SUPT3H: variants seen among roughly 807,000 people sequenced by gnomAD.
SUPT3H encodes the protein transcription initiation protein SPT3 homolog.
A neutral mutation model predicts 44.3 loss-of-function variants in SUPT3H; 44 were observed. The observed-to-expected ratio is 0.99, with a 90% confidence interval of 0.78 to 1.28. The LOEUF is 1.28. Among genes scored for constraint, SUPT3H ranks in the 50% most tolerant of loss-of-function variants. The probability of loss-of-function intolerance (pLI) is 0.00; values close to 1 mark genes in which losing one functional copy is unlikely to be tolerated. For synonymous variants in SUPT3H, 124 were observed against 125.6 expected, an observed-to-expected ratio of 0.99 and a Z score of 0.09; for missense variants, 380 against 387.1, an observed-to-expected ratio of 0.98 and a Z score of 0.15.
chr6:45,289,838 T>C (rs1262609237), intron 2 of SUPT3H, among the ~76,000 whole-genome samples: 1 of 152,174 alleles, frequency 6.6e-6, no homozygotes, highest in Non-Finnish European at 1.5e-5. Flanking sequence ...GTAACACTAG[T>C]ACAGAGGAGA....
intron 2 of SUPT3H, among the ~76,000 whole-genome samples, chr6:45,306,363 A>T (rs1311441035): frequency 6.6e-6 from 1 of 152,170 alleles, no homozygotes; most frequent in Non-Finnish European, 1.5e-5. Flanking sequence ...CATCAGTATT[A>T]GCCACTGAGG....
At chr6:45,303,949 C>T (rs1446342818) in intron 2 of SUPT3H, among the ~76,000 whole-genome samples, 3 of 151,542 alleles carry the variant, frequency 2.0e-5, no homozygotes, top group South Asian at 2.1e-4. Context: ...TGCACTCCAG[C>T]CTGGGCGACA....
chr6:45,189,588 A>G (rs914164440), intron 2 of SUPT3H, among the ~76,000 whole-genome samples: 2 of 152,174 alleles, frequency 1.3e-5, no homozygotes, highest in Admixed American at 1.3e-4. Flanking sequence ...TTGAAAAGGT[A>G]AAGTAGGATT....
intron 10 of SUPT3H, among the ~76,000 whole-genome samples, chr6:44,930,074 TCTA>T (rs1280056719): frequency 1.3e-5 from 2 of 151,722 alleles, no homozygotes; most frequent in Non-Finnish European, 2.9e-5. Flanking sequence ...ATGGCGAAGT[TCTA>T]CTAAAAATTA....
chr6:45,226,766 T>C (rs752408493), intron 2 of SUPT3H, among the ~76,000 whole-genome samples: 7 of 152,062 alleles, frequency 4.6e-5, no homozygotes, highest in African/African-American at 7.2e-5. Context: ...CCTGACCTCA[T>C]GATCCGCCCG....
rs1772676956 is a variant in SUPT3H, at chr6:45,253,133, T to C, written c.101+112068A>G. On this transcript the variant is annotated intron_variant, in intron 2 of 10. Coordinates refer to ENST00000371459, the MANE Select transcript of SUPT3H (RefSeq NM_003599.4). The stretch of plus-strand genomic sequence containing the variant: ...AATAAAAATAAGTACTATAAACATA[T>C]AAGTTTATTATTTCAAATAATAAAC... Among the ~76,000 whole-genome samples, 6 of 152,236 alleles carry C rather than the reference T, an allele frequency of 3.9e-5. No individual in the cohort carries two copies. In the South Asian group the frequency reaches 1.2e-3, roughly 32 times the overall value.
intron 10 of SUPT3H, among the ~76,000 whole-genome samples, chr6:44,892,514 A>AT (rs1763462935): frequency 6.6e-6 from 1 of 152,188 alleles, no homozygotes; most frequent in Admixed American, 6.5e-5. Flanking sequence ...GTATTTTGTT[A>AT]TGGCAGCCCT....
At chr6:44,898,233 G>A (rs943083571) in intron 10 of SUPT3H, among the ~76,000 whole-genome samples, 3 of 152,140 alleles carry the variant, frequency 2.0e-5, no homozygotes, top group African/African-American at 7.2e-5. Flanking sequence ...TTGCCTCCGG[G>A]TATTCATGCC....
At position 45,222,658 on chromosome 6, in the gene SUPT3H, C is replaced by T. The variant is rs141449570; in HGVS notation, c.102-116652G>A. Among the ~76,000 whole-genome samples, 354 of 152,212 alleles carry T rather than the reference C, an allele frequency of 2.3e-3. 1 individual carries two copies. The highest frequency in any genetic ancestry group is 0.011 in the South Asian group (53 of 4,826). ...CAGTTTCTTTAAAAAATTAAACACA[C>T]AATTACCATAATGACACAGCAATTA... On this transcript the variant is annotated intron_variant, in intron 2 of 10. Transcript: ENST00000371459.
rs547847890 is a variant in SUPT3H at position 45,002,771 on chromosome 6, T to A, written c.504+882A>T. On this transcript the variant is annotated intron_variant, in intron 6 of 10. Coordinates refer to ENST00000371459, the MANE Select transcript of SUPT3H (RefSeq NM_003599.4). ...AAGCCTGCTAATTCTTTAAAGGTTG[T>A]TGAAGTTTATAAAGCATGTATGTCT... is the stretch of plus-strand genomic sequence containing the variant. 3.3e-5 allele frequency among the ~76,000 whole-genome samples: 5 copies of A among 152,240 alleles called. No individual in the cohort carries two copies. In the South Asian group the frequency reaches 8.3e-4, roughly 25 times the overall value.
intron 9 of SUPT3H, 43 bp downstream of exon 9, chr6:44,953,267 C>A: frequency 1.3e-6 from 2 of 1,498,656 alleles, no homozygotes; most frequent in South Asian, 1.1e-5. Flanking sequence ...AGATATGTGT[C>A]AAAATTCACA....
intron 9 of SUPT3H, among the ~76,000 whole-genome samples, chr6:44,949,666 C>G (rs2153472208): frequency 6.7e-6 from 1 of 148,660 alleles, no homozygotes; most frequent in East Asian, 2.0e-4. Flanking sequence ...GAGTAAGATA[C>G]ATAAATGGCC....
At chr6:44,918,265 T>C (rs1768122474) in intron 10 of SUPT3H, among the ~76,000 whole-genome samples, 1 of 152,356 alleles carries the variant, frequency 6.6e-6, no homozygotes, top group South Asian at 2.1e-4. Context: ...ATCCCTATTT[T>C]TCTGACAAAG....
At chr6:44,846,577 G>A (rs1481300702) in intron 10 of SUPT3H, among the ~76,000 whole-genome samples, 1 of 152,082 alleles carries the variant, frequency 6.6e-6, no homozygotes, top group African/African-American at 2.4e-5. Flanking sequence ...AGGGTCTTTG[G>A]AGAGAACAGG....
intron 10 of SUPT3H, among the ~76,000 whole-genome samples, chr6:44,911,919 C>T (rs1357723703): frequency 6.6e-6 from 1 of 152,118 alleles, no homozygotes; most frequent in Non-Finnish European, 1.5e-5. Flanking sequence ...TGCATTCATA[C>T]CCAGAGAAAG....
chr6:45,050,494 A>G (rs1321404826), intron 3 of SUPT3H, among the ~76,000 whole-genome samples: 1 of 152,064 alleles, frequency 6.6e-6, no homozygotes, highest in African/African-American at 2.4e-5. Context: ...GGAAATTTTC[A>G]TGGGGGCGGG....
At chr6:45,206,853 A>C (rs9472449) in intron 2 of SUPT3H, among the ~76,000 whole-genome samples, 154 of 152,230 alleles carry the variant, frequency 1.0e-3, no homozygotes, top group African/African-American at 3.5e-3. Context: ...AGGGAATATA[A>C]GGACCTGGTT....
intron 2 of SUPT3H, among the ~76,000 whole-genome samples, chr6:45,308,915 A>G (rs1374747612): frequency 6.6e-6 from 1 of 152,054 alleles, no homozygotes; most frequent in Non-Finnish European, 1.5e-5. Context: ...GAAGAAAAAT[A>G]AATGGAGAAA....
intron 1 of SUPT3H, among the ~76,000 whole-genome samples, chr6:45,367,033 G>GGGCT (rs1206216414): frequency 2.6e-5 from 4 of 152,182 alleles, no homozygotes; most frequent in African/African-American, 9.7e-5. Flanking sequence ...TGAGATGGAA[G>GGGCT]GGCTGGGCCC....
Sources: allele counts gnomAD v4.1 joint callset (sites outside exome capture counted in the v4.1 genomes callset), GRCh38; gene constraint gnomAD v4.1.1; transcripts MANE v1.5; gene names NCBI Gene and HGNC (gene_info 2026-07-23, HGNC 2026-07-21).